Variants in PATZ1 observed in about 807,000 individuals in gnomAD.
The protein encoded by PATZ1 is POZ/BTB and AT hook containing zinc finger 1, also known as POZ-, AT hook-, and zinc finger-containing protein 1.
Under a neutral mutation model 46.2 loss-of-function variants are expected in PATZ1, and 9 were observed. The ratio of observed to expected loss-of-function variants is 0.19; its 90% confidence interval spans 0.12 to 0.34. PATZ1 has a LOEUF of 0.34. Ranked by LOEUF, PATZ1 falls within the 10% of genes least tolerant of loss-of-function variation. The probability of loss-of-function intolerance (pLI) is 1.00; values close to 1 mark genes in which losing one functional copy is unlikely to be tolerated. For missense variants in PATZ1, 632 were observed against 923.0 expected (o/e 0.68, Z 4.08); for synonymous variants, 426 against 378.6 (o/e 1.13, Z -1.45).
In PATZ1 at chr22:31,326,845, C is replaced by T; in HGVS notation, c.*46G>A. ...CTTCCCTCCGCATTCACAGCATTTCCCAGCAGTCCCCAGATGGTTGTTTCC... is the reference window on the plus strand; with the variant it reads ...CTTCCCTCCGCATTCACAGCATTTCTCAGCAGTCCCCAGATGGTTGTTTCC... On this transcript the variant is annotated 3_prime_UTR_variant, in exon 5 of 5. Coordinates refer to ENST00000266269, the MANE Select transcript of PATZ1 (RefSeq NM_014323.3). The T allele has an allele frequency of 6.6e-7, 1 of 1,523,624 alleles. No individual in the cohort carries two copies. The highest frequency in any genetic ancestry group is 8.9e-7 in the Non-Finnish European group (1 of 1,123,252). 94.4% of individuals were successfully genotyped at this position (1,523,624 alleles called of 1,614,324 possible).
In PATZ1 at chr22:31,327,745, T is replaced by C. The variant is rs2049385668; in HGVS notation, c.1646-436A>G. Among the ~76,000 whole-genome samples the C allele has an allele frequency of 6.6e-6, 1 of 152,128 alleles. No individual in the cohort carries two copies. Among genetic ancestry groups the C allele is most frequent in the South Asian group, 2.1e-4 (1 of 4,822 alleles). Reference sequence around the variant, plus strand: ...GCCTCGCCTCCTGCACCAGACTAGCTGCACCCTAGCAAGACAGGCAGAACC... The same window carrying C: ...GCCTCGCCTCCTGCACCAGACTAGCCGCACCCTAGCAAGACAGGCAGAACC... On this transcript the variant is annotated intron_variant, in intron 4 of 4. Coordinates refer to ENST00000266269, the MANE Select transcript of PATZ1 (RefSeq NM_014323.3). This position sits in a 1 kb window ranked among gnomAD's most constrained non-coding sequence, Gnocchi z 4.2.
intron 1 of PATZ1, 128 bp from the exon 2 acceptor site, chr22:31,343,088 A>C: frequency 6.8e-7 from 1 of 1,469,730 alleles, no homozygotes; most frequent in Non-Finnish European, 9.1e-7. Flanking sequence ...CCCCAACCCC[A>C]GCATGACAAA....
chr22:31,332,147 G>A (rs1433472600), intron 3 of PATZ1, among the ~76,000 whole-genome samples: 1 of 152,152 alleles, frequency 6.6e-6, no homozygotes, highest in Non-Finnish European at 1.5e-5. Flanking sequence ...GAAACACGTG[G>A]CTGAGTCCTC....
chr22:31,329,346 C>G (rs1272803063), intron 3 of PATZ1, among the ~76,000 whole-genome samples: 2 of 152,214 alleles, frequency 1.3e-5, no homozygotes, highest in Non-Finnish European at 2.9e-5. Flanking sequence ...CCACAGGATT[C>G]TAGCCAGCAG....
rs2049641406 is a variant in PATZ1 at position 31,345,450 on chromosome 22, G to A, written c.153C>T (p.Ser51=). Residue 51 remains serine, a synonymous_variant, in exon 1 of 5, where the codon AGC becomes AGT. Transcript: ENST00000266269. The surrounding 1 kb of genome is among the most constrained non-coding windows in gnomAD (Gnocchi z 7.4). ...CDVLLRVGDE[S]FPAHRAVLAA... Reference sequence around the variant, plus strand: ...CCAGCACGGCGCGGTGCGCTGGGAAGCTCTCGTCGCCTACCCGCAAGAGCA... The same window carrying A: ...CCAGCACGGCGCGGTGCGCTGGGAAACTCTCGTCGCCTACCCGCAAGAGCA... The A allele has an allele frequency of 6.8e-6, 11 of 1,612,552 alleles. No individual in the cohort carries two copies. The highest frequency in any genetic ancestry group is 9.3e-6 in the Non-Finnish European group (11 of 1,179,740).
intron 1 of PATZ1, 139 bp downstream of exon 1, chr22:31,344,192 TA>T: frequency 1.3e-6 from 1 of 783,348 alleles, no homozygotes; most frequent in Non-Finnish European, 2.0e-6. Flanking sequence ...TAAGGGCCCT[TA>T]AAAACACTCT....
rs904763947 is a variant in PATZ1 at position 31,328,214 on chromosome 22, G to A, written c.1645+573C>T. 6.6e-6 allele frequency among the ~76,000 whole-genome samples: 1 copy of A among 152,204 alleles called. No individual in the cohort carries two copies. The highest frequency in any genetic ancestry group is 2.4e-5 in the African/African-American group (1 of 41,434). On this transcript the variant is annotated intron_variant, in intron 4 of 4. Transcript: ENST00000266269. The surrounding 1 kb of genome is among the most constrained non-coding windows in gnomAD (Gnocchi z 4.8). ...CAACCTGAATCAACAAGTGAAGGTGGGCCTGGGGAGCTTTCTGCAAACCAA... is the reference window on the plus strand; with the variant it reads ...CAACCTGAATCAACAAGTGAAGGTGAGCCTGGGGAGCTTTCTGCAAACCAA...
Position 31,328,718 on chromosome 22 carries a change from C to CGCCCA in PATZ1, c.1645+64_1645+68dup. 6.7e-7 allele frequency: 1 copy of CGCCCA among 1,488,778 alleles called. No homozygotes were observed. The allele number at this position is 1,488,778 out of a possible 1,614,324, so 92.2% of individuals were successfully genotyped here. A position where few individuals can be genotyped will look rare whatever the true frequency, so the allele number is the denominator to read the frequency against. On this transcript the variant is annotated intron_variant, in intron 4 of 4. Coordinates refer to ENST00000266269, the MANE Select transcript of PATZ1 (RefSeq NM_014323.3). This position sits in a 1 kb window ranked among gnomAD's most constrained non-coding sequence, Gnocchi z 4.8. ...AGCCGGCAGCCTTCCCGCCTCCCCA[C>CGCCCA]GCCCAGCCCAGCGCCCCCACAACAC...
rs1961208906 is a variant in PATZ1, at chr22:31,339,752, C to T, written c.1335+3145G>A. 3.3e-5 allele frequency among the ~76,000 whole-genome samples: 5 copies of T among 152,196 alleles called. 1 individual carries two copies. The South Asian group carries it at 1.0e-3, about 31-fold the overall frequency. On this transcript the variant is annotated intron_variant, in intron 2 of 4. Transcript: ENST00000266269. ...AGGCACCCTGAGTGCAGGTCATCAC[C>T]ACTCAACACTGAGCCCCAGTCCTGC...
intron 2 of PATZ1, chr22:31,341,207 C>G: frequency 7.6e-7 from 1 of 1,318,698 alleles, no homozygotes; most frequent in South Asian, 2.5e-5. Flanking sequence ...AACTTGGATG[C>G]TATAGGGGGT....
rs1036043725 is a variant in PATZ1, at chr22:31,327,050, G to C, written c.1905C>G (p.Pro635=). ...QKVHVRALGG[P]LGDLGPALGS... ...CAAGGGCAGGGCCCAGGTCCCCCAG[G>C]GGGCCCCCGAGAGCCCGGACATGCA... is the stretch of plus-strand genomic sequence containing the variant. Residue 635 remains proline (P), a synonymous_variant, in exon 5 of 5, where the codon CCC becomes CCG. Coordinates refer to ENST00000266269, the MANE Select transcript of PATZ1 (RefSeq NM_014323.3). The surrounding 1 kb of genome is among the most constrained non-coding windows in gnomAD (Gnocchi z 4.2). 6.2e-7 allele frequency: 1 copy of C among 1,614,106 alleles called. No individual in the cohort carries two copies. The highest frequency in any genetic ancestry group is 8.5e-7 in the Non-Finnish European group (1 of 1,180,044).
chr22:31,333,345 C>G (rs1321109519), intron 3 of PATZ1, among the ~76,000 whole-genome samples: 2 of 152,154 alleles, frequency 1.3e-5, no homozygotes, highest in Admixed American at 6.5e-5. Context: ...TAAGAACATT[C>G]GTTTATTCGT....
In PATZ1 at chr22:31,327,182, T is replaced by C; in HGVS notation, c.1773A>G (p.Ala591=). Residue 591 remains alanine (A), a synonymous_variant, in exon 5 of 5, where the codon GCA becomes GCG. Coordinates refer to ENST00000266269, the MANE Select transcript of PATZ1 (RefSeq NM_014323.3). The surrounding 1 kb of genome is among the most constrained non-coding windows in gnomAD (Gnocchi z 4.2). ...SANGSFSCDM[A]VPKNKMESDG... The stretch of plus-strand genomic sequence containing the variant: ...CAGACTCCATTTTGTTTTTGGGGAC[T>C]GCCATGTCGCAGGAGAAAGAGCCAT... 6.2e-7 allele frequency: 1 copy of C among 1,614,230 alleles called. No homozygotes were observed. The highest frequency in any genetic ancestry group is 8.5e-7 in the Non-Finnish European group (1 of 1,180,032).
At position 31,345,110 on chromosome 22, in the gene PATZ1, C is replaced by T. The variant is rs773987880; in HGVS notation, c.493G>A (p.Val165Ile). 1.2e-6 allele frequency: 2 copies of T among 1,614,126 alleles called. No individual in the cohort carries two copies. The highest frequency in any genetic ancestry group is 2.2e-5 in the East Asian group (1 of 44,884). ...ATTATATCGGCGCGGGCAGGGGGTA[C>T]CAGGATCTGTACGTTGGACTGTTTG... ...VIKQSNVQIL[V>I]PPARADIMLF... The change falls in exon 1 of 5, where the codon GTA (valine) becomes ATA (isoleucine). Residue 165 changes from valine (V) to isoleucine (I), a missense_variant. Coordinates refer to ENST00000266269, the MANE Select transcript of PATZ1 (RefSeq NM_014323.3). This position sits in a 1 kb window ranked among gnomAD's most constrained non-coding sequence, Gnocchi z 7.4.
intron 2 of PATZ1, among the ~76,000 whole-genome samples, chr22:31,336,149 C>T (rs1033488571): frequency 2.0e-5 from 3 of 152,226 alleles, no homozygotes; most frequent in African/African-American, 7.2e-5. Context: ...TACCCCTCTA[C>T]ACAATGAAGA....
intron 2 of PATZ1, 79 bp from the exon 3 acceptor site, chr22:31,335,942 A>C: frequency 7.3e-7 from 1 of 1,369,054 alleles, no homozygotes; most frequent in Non-Finnish European, 1.0e-6. Context: ...ACCATGAAGC[A>C]AAGGCAATTT....
At chr22:31,341,729 G>A in intron 2 of PATZ1, 1 of 1,552,232 alleles carries the variant, frequency 6.4e-7, no homozygotes, top group Non-Finnish European at 8.7e-7. Context: ...AGGCCACCGG[G>A]CTTGCCCCCA....
intron 3 of PATZ1, among the ~76,000 whole-genome samples, chr22:31,330,462 G>A (rs2049426418): frequency 6.6e-6 from 1 of 152,126 alleles, no homozygotes; most frequent in African/African-American, 2.4e-5. Flanking sequence ...TCATGCCACT[G>A]CGCTCCAGCC....
At chr22:31,338,592 G>T (rs1265405027) in intron 2 of PATZ1, among the ~76,000 whole-genome samples, 2 of 152,196 alleles carry the variant, frequency 1.3e-5, no homozygotes, top group Non-Finnish European at 2.9e-5. Flanking sequence ...CAGAGCAGGG[G>T]CTGCATAAAC....
Sources: gnomAD v4.1 joint callset for allele counts (sites outside exome capture counted in the v4.1 genomes callset) on GRCh38, gnomAD v4.1.1 for gene constraint, Gnocchi (gnomAD v3.1) non-coding constraint, MANE v1.5 for transcripts, NCBI Gene and HGNC (gene_info 2026-07-23, HGNC 2026-07-21) for gene names.